The following GRM3 variants were observed in gnomAD, a reference collection of about 807,000 sequenced individuals.
GRM3 encodes metabotropic glutamate receptor 3.
A neutral mutation model predicts 70.5 loss-of-function variants in GRM3; 26 were observed. The ratio of observed to expected loss-of-function variants is 0.37; its 90% CI spans 0.27 to 0.51. The LOEUF (loss-of-function observed/expected upper bound fraction) is 0.51. GRM3 is among the 20% of genes least tolerant of loss of function. The pLI, the probability that GRM3 is intolerant of heterozygous loss-of-function variation, is 0.93. For missense variants in GRM3, 859 were observed against 1,123.8 expected (o/e 0.76, Z 3.37); for synonymous variants, 443 against 434.9 (o/e 1.02, Z -0.23).
intron 1 of GRM3, among the ~76,000 whole-genome samples, chr7:86,718,958 G>T (rs1478057976): frequency 1.3e-5 from 2 of 151,476 alleles, no homozygotes; most frequent in Non-Finnish European, 2.9e-5. Flanking sequence ...TGGCAAGGTA[G>T]AATTGAAAAC....
chr7:86,705,254 T>C (rs1311407148), intron 1 of GRM3, among the ~76,000 whole-genome samples: 2 of 151,996 alleles, frequency 1.3e-5, no homozygotes, highest in Admixed American at 1.3e-4. Flanking sequence ...TTTCCTTCAA[T>C]GTCATTTATT....
intron 3 of GRM3, among the ~76,000 whole-genome samples, chr7:86,790,712 G>C (rs1170383906): frequency 6.6e-6 from 1 of 151,914 alleles, no homozygotes; most frequent in Non-Finnish European, 1.5e-5. Context: ...CAACATTAGG[G>C]CTTTTCCACT....
At chr7:86,845,010 C>T (rs569242883) in intron 4 of GRM3, among the ~76,000 whole-genome samples, 1 of 152,246 alleles carries the variant, frequency 6.6e-6, no homozygotes, top group Admixed American at 6.5e-5. Flanking sequence ...CTGCCTCAGT[C>T]TCCCAAATAT....
chr7:86,735,046 G>A (rs1795824206), intron 1 of GRM3, among the ~76,000 whole-genome samples: 1 of 152,202 alleles, frequency 6.6e-6, no homozygotes, highest in East Asian at 1.9e-4. Flanking sequence ...AAGGAGAATA[G>A]TCTTTATTTG....
chr7:86,711,274 T>C (rs548471520), intron 1 of GRM3, among the ~76,000 whole-genome samples: 3 of 152,140 alleles, frequency 2.0e-5, no homozygotes, highest in Non-Finnish European at 4.4e-5. Context: ...TTTGTGAACA[T>C]TTAATAATGG....
rs556757733 is a variant in GRM3, at chr7:86,838,073, G to A, written c.1325-766G>A. The stretch of plus-strand genomic sequence containing the variant: ...TGCAGAATCCTGTAAAAAAGAGACA[G>A]GGTTGAGGGTGGCCCACTTGGCTGA... On this transcript the variant is annotated intron_variant, in intron 3 of 5. Coordinates refer to ENST00000361669, the MANE Select transcript of GRM3 (RefSeq NM_000840.3). 2.2e-4 allele frequency among the ~76,000 whole-genome samples: 33 copies of A among 152,232 alleles called. 1 individual carries two copies. The highest frequency in any genetic ancestry group is 7.7e-4 in the African/African-American group (32 of 41,530).
intron 3 of GRM3, among the ~76,000 whole-genome samples, chr7:86,804,937 T>G (rs1340726392): frequency 6.6e-6 from 1 of 152,098 alleles, no homozygotes; most frequent in Non-Finnish European, 1.5e-5. Flanking sequence ...TATAGTGAGA[T>G]CCCAACTCTA....
chr7:86,755,749 G>A (rs1478792564), intron 1 of GRM3, among the ~76,000 whole-genome samples: 1 of 152,106 alleles, frequency 6.6e-6, no homozygotes, highest in East Asian at 1.9e-4. Flanking sequence ...TCTTTTAGTA[G>A]AAGGCTCTAG....
At chr7:86,698,170 T>C (rs931992391) in intron 1 of GRM3, among the ~76,000 whole-genome samples, 2 of 152,072 alleles carry the variant, frequency 1.3e-5, no homozygotes, top group Admixed American at 1.3e-4. Flanking sequence ...AAAAAGCAAC[T>C]GAACTGGGGG....
chr7:86,722,537 G>T (rs1264331920), intron 1 of GRM3, among the ~76,000 whole-genome samples: 1 of 150,246 alleles, frequency 6.7e-6, no homozygotes, highest in Non-Finnish European at 1.5e-5. Context: ...TCACTCCTAA[G>T]TGGGAGTTGA....
At chr7:86,852,388 C>A (rs554492071) in intron 5 of GRM3, among the ~76,000 whole-genome samples, 1 of 152,110 alleles carries the variant, frequency 6.6e-6, no homozygotes, top group South Asian at 2.1e-4. Flanking sequence ...TGGGAATTAA[C>A]AAATTCCAGA....
At chr7:86,760,591 A>G (rs1455469206) in intron 1 of GRM3, among the ~76,000 whole-genome samples, 1 of 152,020 alleles carries the variant, frequency 6.6e-6, no homozygotes, top group African/African-American at 2.4e-5. Flanking sequence ...AATCCGATAA[A>G]CTGTTACACA....
intron 1 of GRM3, among the ~76,000 whole-genome samples, chr7:86,692,019 C>T (rs2116034625): frequency 6.6e-6 from 1 of 152,276 alleles, no homozygotes; most frequent in African/African-American, 2.4e-5. Flanking sequence ...ATTTGCCTTT[C>T]TAACAGACAA....
At chr7:86,765,642 G>A in intron 2 of GRM3, 29 bp downstream of exon 2, 1 of 1,585,596 alleles carries the variant, frequency 6.3e-7, no homozygotes, top group Non-Finnish European at 8.6e-7. Flanking sequence ...ATTGCTAAAA[G>A]GCTGTATCTC....
intron 1 of GRM3, among the ~76,000 whole-genome samples, chr7:86,671,522 C>G (rs117412340): frequency 0.014 from 2,094 of 152,262 alleles, 24 homozygotes; most frequent in Non-Finnish European, 0.018. Flanking sequence ...TCCCAACAAG[C>G]TACTCATGAG....
intron 1 of GRM3, among the ~76,000 whole-genome samples, chr7:86,706,764 T>G (rs531374993): frequency 6.6e-6 from 1 of 152,162 alleles, no homozygotes; most frequent in African/African-American, 2.4e-5. Context: ...CAAAATGGGT[T>G]GATTTTTTTT....
At chr7:86,681,992 AC>A (rs1794453262) in intron 1 of GRM3, among the ~76,000 whole-genome samples, 1 of 152,170 alleles carries the variant, frequency 6.6e-6, no homozygotes, top group African/African-American at 2.4e-5. Context: ...TAAAGTATAT[AC>A]CCCACACTTT....
At chr7:86,673,069 G>A (rs994769622) in intron 1 of GRM3, among the ~76,000 whole-genome samples, 4 of 152,142 alleles carry the variant, frequency 2.6e-5, no homozygotes, top group African/African-American at 9.6e-5. Context: ...ATCAGGTTTA[G>A]GGCTCCAGGT....
rs529106912 is a variant in GRM3, at chr7:86,712,842, C to A, written c.-140-52164C>A. On this transcript the variant is annotated intron_variant, in intron 1 of 5. Coordinates refer to ENST00000361669, the MANE Select transcript of GRM3 (RefSeq NM_000840.3). ...TATTTTATATGCCTGAATAACATTTCATTGTGTATATAACATTTTCTTTAT... is the reference window on the plus strand; with the variant it reads ...TATTTTATATGCCTGAATAACATTTAATTGTGTATATAACATTTTCTTTAT... Among the ~76,000 whole-genome samples, 9 of 152,176 alleles carry A rather than the reference C, an allele frequency of 5.9e-5. No homozygotes were observed. The South Asian group carries it at 1.9e-3, about 32-fold the overall frequency.
Sources: gnomAD v4.1 joint callset for allele counts (sites outside exome capture counted in the v4.1 genomes callset) on GRCh38, gnomAD v4.1.1 for gene constraint, MANE v1.5 for transcripts, NCBI Gene and HGNC (gene_info 2026-07-23, HGNC 2026-07-21) for gene names.